Variants in PTPRD observed in about 807,000 individuals in gnomAD.
The protein encoded by PTPRD is receptor-type tyrosine-protein phosphatase delta.
PTPRD carries 34 observed loss-of-function variants against 214.5 expected under a neutral mutation model. The observed-to-expected ratio is 0.16, with a 90% CI of 0.12 to 0.21. The LOEUF is 0.21. Ranked by LOEUF, PTPRD falls within the 10% of genes least tolerant of loss-of-function variation. The pLI is 1.00. For synonymous variants in PTPRD, 1,128 were observed against 845.7 expected (o/e 1.33, Z -5.79); for missense variants, 2,545 against 2,398.7 (o/e 1.06, Z -1.27).
At chr9:8,453,284 C>A (rs895736862) in intron 33 of PTPRD, among the ~76,000 whole-genome samples, 1 of 152,172 alleles carries the variant, frequency 6.6e-6, no homozygotes, top group African/African-American at 2.4e-5. Context: ...CTGCCTCAGC[C>A]TCCCGAGTAG....
intron 3 of PTPRD, among the ~76,000 whole-genome samples, chr9:10,055,901 A>C (rs1480693719): frequency 6.6e-6 from 1 of 151,682 alleles, no homozygotes; most frequent in African/African-American, 2.4e-5. Flanking sequence ...TGTATAAATG[A>C]GTGTGTGTGT....
chr9:8,671,631 C>A (rs142638826), intron 12 of PTPRD, among the ~76,000 whole-genome samples: 2 of 152,046 alleles, frequency 1.3e-5, no homozygotes, highest in East Asian at 1.9e-4. Context: ...ACACTGAATA[C>A]GGAAATACAT....
chr9:8,705,710 A>G (rs1203812937), intron 12 of PTPRD, among the ~76,000 whole-genome samples: 1 of 152,250 alleles, frequency 6.6e-6, no homozygotes, highest in Non-Finnish European at 1.5e-5. Context: ...TAAAGGAAGC[A>G]CATACATGTC....
intron 2 of PTPRD, among the ~76,000 whole-genome samples, chr9:10,563,385 A>G (rs751612455): frequency 2.2e-4 from 34 of 152,152 alleles, no homozygotes; most frequent in Non-Finnish European, 4.4e-4. Context: ...ACAGAAAACT[A>G]TCCAGCCATA....
At chr9:9,235,161 C>A (rs2099965762) in intron 9 of PTPRD, among the ~76,000 whole-genome samples, 2 of 152,112 alleles carry the variant, frequency 1.3e-5, no homozygotes, top group South Asian at 2.1e-4. Flanking sequence ...GAGTGCCAAG[C>A]AATGGGGGAA....
intron 12 of PTPRD, among the ~76,000 whole-genome samples, chr9:8,672,211 T>C (rs1167913049): frequency 6.6e-6 from 1 of 152,172 alleles, no homozygotes; most frequent in African/African-American, 2.4e-5. Context: ...TCTTCTTAAA[T>C]CCATTTCTTC....
chr9:9,935,879 G>T (rs1483791961), intron 5 of PTPRD, among the ~76,000 whole-genome samples: 1 of 149,648 alleles, frequency 6.7e-6, no homozygotes, highest in Non-Finnish European at 1.5e-5. Context: ...CCAAAACAGA[G>T]ATATAGATCA....
rs570047555 is a variant in PTPRD, at chr9:9,828,921, G to C, written c.-367-62070C>G. On this transcript the variant is annotated intron_variant, in intron 5 of 45. Transcript: ENST00000381196. ...ATATGCTGTTTCAATTGAAATTTTTGCTGTAAATGTAGACTTACATAAATT... is the reference window on the plus strand; with the variant it reads ...ATATGCTGTTTCAATTGAAATTTTTCCTGTAAATGTAGACTTACATAAATT... Among the ~76,000 whole-genome samples, 4 of 151,800 alleles carry C rather than the reference G, an allele frequency of 2.6e-5. No homozygotes were observed. In the East Asian group the frequency reaches 5.8e-4, roughly 22 times the overall value.
At chr9:10,361,010 G>T (rs1430858232) in intron 2 of PTPRD, among the ~76,000 whole-genome samples, 1 of 152,112 alleles carries the variant, frequency 6.6e-6, no homozygotes, top group Non-Finnish European at 1.5e-5. Flanking sequence ...GCTGAGGCAG[G>T]AGAATGGCGT....
chr9:8,401,586 G>T (rs1329916321), intron 36 of PTPRD, among the ~76,000 whole-genome samples: 1 of 152,078 alleles, frequency 6.6e-6, no homozygotes, highest in East Asian at 1.9e-4. Flanking sequence ...GATTTGGAAA[G>T]ATGTCACCAA....
chr9:9,495,182 G>A (rs937868631), intron 8 of PTPRD, among the ~76,000 whole-genome samples: 7 of 151,880 alleles, frequency 4.6e-5, no homozygotes, highest in Admixed American at 6.6e-5. Flanking sequence ...GGGTCTAAAT[G>A]TCAGACCTAA....
At chr9:9,491,398 G>C (rs191414684) in intron 8 of PTPRD, among the ~76,000 whole-genome samples, 3 of 151,914 alleles carry the variant, frequency 2.0e-5, no homozygotes, top group Non-Finnish European at 4.4e-5. Context: ...CTAGACAGAA[G>C]ATGTGTAAGG....
At chr9:9,161,733 T>C (rs928538890) in intron 10 of PTPRD, among the ~76,000 whole-genome samples, 6 of 152,104 alleles carry the variant, frequency 3.9e-5, no homozygotes, top group Non-Finnish European at 8.8e-5. Context: ...TATAGATACA[T>C]TTAAAATATG....
intron 3 of PTPRD, among the ~76,000 whole-genome samples, chr9:10,042,039 A>C (rs1249538049): frequency 6.6e-6 from 1 of 152,084 alleles, no homozygotes; most frequent in Non-Finnish European, 1.5e-5. Context: ...GCAGAATGAC[A>C]ATGAATAATG....
rs530142508 is a variant in PTPRD at position 8,847,429 on chromosome 9, T to C, written c.-103-113483A>G. 3.9e-5 allele frequency among the ~76,000 whole-genome samples: 6 copies of C among 152,306 alleles called. No homozygotes were observed. In the South Asian group the frequency reaches 1.0e-3, roughly 26 times the overall value. On this transcript the variant is annotated intron_variant, in intron 11 of 45. Coordinates refer to ENST00000381196, the MANE Select transcript of PTPRD (RefSeq NM_002839.4). ...TCATGCTTCTAGGAAGTTATGTTTA[T>C]AGATTAACTGGTAGAAAAACATATG... is the stretch of plus-strand genomic sequence containing the variant.
intron 11 of PTPRD, among the ~76,000 whole-genome samples, chr9:8,965,178 G>A (rs1412923754): frequency 6.6e-6 from 1 of 152,024 alleles, no homozygotes; most frequent in Non-Finnish European, 1.5e-5. Context: ...AGGAGTTCGA[G>A]ACCAGCCTGG....
chr9:9,949,176 T>A (rs949250534), intron 4 of PTPRD, among the ~76,000 whole-genome samples: 4 of 152,150 alleles, frequency 2.6e-5, no homozygotes, highest in Non-Finnish European at 5.9e-5. Context: ...AAAATATTCC[T>A]TAAAAAGTGT....
At chr9:10,362,582 G>A (rs553437680) in intron 2 of PTPRD, among the ~76,000 whole-genome samples, 1 of 152,102 alleles carries the variant, frequency 6.6e-6, no homozygotes, top group African/African-American at 2.4e-5. Flanking sequence ...ATAACAGCTG[G>A]AGTAAAATAA....
intron 2 of PTPRD, among the ~76,000 whole-genome samples, chr9:10,484,941 A>G (rs1566423970): frequency 1.3e-5 from 2 of 152,054 alleles, no homozygotes; most frequent in African/African-American, 2.4e-5. Flanking sequence ...ACCCAGATCA[A>G]TGTCCCAGAG....
Sources: gnomAD v4.1 joint callset for allele counts (sites outside exome capture counted in the v4.1 genomes callset) on GRCh38, gnomAD v4.1.1 for gene constraint, MANE v1.5 for transcripts, NCBI Gene and HGNC (gene_info 2026-07-23, HGNC 2026-07-21) for gene names.